PVALB: variants seen among roughly 807,000 people sequenced by gnomAD.
PVALB encodes parvalbumin alpha.
A neutral mutation model predicts 10.9 loss-of-function variants in PVALB; 11 were observed. That is an observed-to-expected ratio of 1.01 (90% CI 0.63 to 1.67). The LOEUF is 1.67. Among genes scored for constraint, PVALB ranks in the 40% most tolerant of loss-of-function variants. The pLI is 0.00. For missense variants in PVALB, 131 were observed against 136.2 expected, an observed-to-expected ratio of 0.96 and a Z score of 0.19; for synonymous variants, 57 against 50.7, an observed-to-expected ratio of 1.12 and a Z score of -0.53.
At chr22:36,807,016 G>A (rs1456250896) in intron 3 of PVALB, among the ~76,000 whole-genome samples, 1 of 152,192 alleles carries the variant, frequency 6.6e-6, no homozygotes, top group Non-Finnish European at 1.5e-5. Context: ...CCTTTCACAA[G>A]AGGCCAGTTA....
intron 3 of PVALB, among the ~76,000 whole-genome samples, chr22:36,810,254 G>A (rs1270487608): frequency 6.6e-6 from 1 of 152,232 alleles, no homozygotes; most frequent in Non-Finnish European, 1.5e-5. Flanking sequence ...ATCCCGCCAG[G>A]AGTTGAAGGC....
intron 3 of PVALB, among the ~76,000 whole-genome samples, chr22:36,803,861 G>A (rs538441202): frequency 2.0e-5 from 3 of 152,338 alleles, no homozygotes; most frequent in African/African-American, 4.8e-5. Context: ...TGAGGTGTCA[G>A]GGTCATGTGG....
At chr22:36,816,809 G>A (rs1939146136) in intron 1 of PVALB, 136 bp downstream of exon 1, 3 of 691,166 alleles carry the variant, frequency 4.3e-6, no homozygotes, top group South Asian at 4.2e-5. Flanking sequence ...CCCCCGCCCC[G>A]ACCTCGCCGG....
chr22:36,810,052 T>G (rs560507067), intron 3 of PVALB, among the ~76,000 whole-genome samples: 58 of 152,134 alleles, frequency 3.8e-4, no homozygotes, highest in African/African-American at 1.4e-3. Context: ...GCCTGGCTAA[T>G]TTTTGTATTT....
intron 1 of PVALB, 50 bp downstream of exon 1, chr22:36,816,895 C>A: frequency 6.6e-7 from 1 of 1,510,768 alleles, no homozygotes; most frequent in South Asian, 1.2e-5. Context: ...TGCAGGGGCG[C>A]GGGCGGTGGA....
intron 1 of PVALB, 86 bp from the exon 2 acceptor site, chr22:36,815,321 G>A: frequency 6.5e-7 from 1 of 1,543,090 alleles, no homozygotes; most frequent in Non-Finnish European, 8.9e-7. Context: ...GGCATTTGTT[G>A]ATGGATTCCC....
intron 3 of PVALB, chr22:36,811,385 C>T: frequency 2.3e-6 from 1 of 429,540 alleles, no homozygotes; most frequent in Admixed American, 2.6e-5. Flanking sequence ...GTTATAATGC[C>T]TAGTTTACAG....
chr22:36,806,453 C>G (rs1215748133), intron 3 of PVALB, among the ~76,000 whole-genome samples: 2 of 152,194 alleles, frequency 1.3e-5, no homozygotes, highest in Non-Finnish European at 2.9e-5. Context: ...AATTTAGAAG[C>G]TATTGACAGG....
intron 3 of PVALB, among the ~76,000 whole-genome samples, chr22:36,802,687 C>T (rs1033344645): frequency 6.6e-6 from 1 of 151,894 alleles, no homozygotes; most frequent in Non-Finnish European, 1.5e-5. Flanking sequence ...GGGTGCCTCA[C>T]CTTCCTGAGG....
chr22:36,817,954 C>T (rs1469522483), upstream of PVALB, among the ~76,000 whole-genome samples: 1 of 152,154 alleles, frequency 6.6e-6, no homozygotes, highest in Admixed American at 6.5e-5. Flanking sequence ...ACTTTCTAGA[C>T]AACCTAAGCA....
chr22:36,815,778 A>T (rs1207392895), intron 1 of PVALB, among the ~76,000 whole-genome samples: 1 of 152,106 alleles, frequency 6.6e-6, no homozygotes, highest in African/African-American at 2.4e-5. Flanking sequence ...GGCTCTGCGC[A>T]GAAATCCACT....
chr22:36,808,609 G>A (rs1326716997), intron 3 of PVALB, among the ~76,000 whole-genome samples: 1 of 152,200 alleles, frequency 6.6e-6, no homozygotes, highest in Non-Finnish European at 1.5e-5. Flanking sequence ...TAACTTGTAA[G>A]AAATGCAAAA....
At chr22:36,815,303 G>T (rs780457421) in intron 1 of PVALB, 68 bp from the exon 2 acceptor site, 18 of 1,581,926 alleles carry the variant, frequency 1.1e-5, no homozygotes, top group Non-Finnish European at 1.4e-5. Context: ...GAGAATGGGG[G>T]GCATCAAGGC....
At chr22:36,815,364 C>A in intron 1 of PVALB, 129 bp from the exon 2 acceptor site, 1 of 1,304,482 alleles carries the variant, frequency 7.7e-7, no homozygotes, top group Non-Finnish European at 1.1e-6. Context: ...GAGGTACCCA[C>A]CTCCATTGGA....
chr22:36,818,464 C>T (rs193194784), upstream of PVALB: 348 of 152,954 alleles, frequency 2.3e-3, no homozygotes, highest in Non-Finnish European at 3.1e-3. Flanking sequence ...GAGTCAGCTC[C>T]TTCAAGCCAC....
At chr22:36,815,403 T>C (rs182274682) in intron 1 of PVALB, 168 bp from the exon 2 acceptor site, 5 of 889,118 alleles carry the variant, frequency 5.6e-6, no homozygotes, top group Non-Finnish European at 8.5e-6. Flanking sequence ...CAAGGGAGGA[T>C]AACCTGTCCA....
At chr22:36,812,858 C>T (rs1393713017) in intron 3 of PVALB, among the ~76,000 whole-genome samples, 2 of 152,222 alleles carry the variant, frequency 1.3e-5, no homozygotes, top group Admixed American at 6.5e-5. Flanking sequence ...TCCATTTGCC[C>T]ACCTGCAAAA....
intron 3 of PVALB, among the ~76,000 whole-genome samples, chr22:36,811,188 G>A (rs138965147): frequency 0.02 from 3,115 of 152,146 alleles, 103 homozygotes; most frequent in African/African-American, 0.072. Context: ...GGGGAGGGGG[G>A]AATTGCTTAA....
chr22:36,811,548 C>T (rs963804805), intron 3 of PVALB: 5 of 469,602 alleles, frequency 1.1e-5, no homozygotes, highest in African/African-American at 8.0e-5. Flanking sequence ...TTAGTTGATG[C>T]CTTAAGATCT....
Sources: gnomAD v4.1 joint callset for allele counts (sites outside exome capture counted in the v4.1 genomes callset) on GRCh38, gnomAD v4.1.1 for gene constraint, MANE v1.5 for transcripts, NCBI Gene and HGNC (gene_info 2026-07-23, HGNC 2026-07-21) for gene names.